SPHKAP: variants seen among roughly 807,000 people sequenced by gnomAD.
SPHKAP encodes the protein SPHK1 interactor, AKAP domain containing, also known as A-kinase anchor protein SPHKAP.
SPHKAP carries 67 observed loss-of-function variants against 137.5 expected under a neutral mutation model. The observed-to-expected ratio is 0.49, with a 90% CI of 0.40 to 0.60. The LOEUF is 0.60. SPHKAP is among the 20% of genes least tolerant of loss of function. The probability of loss-of-function intolerance (pLI) is 0.00; values close to 1 mark genes in which losing one functional copy is unlikely to be tolerated. For synonymous variants in SPHKAP, 813 were observed against 785.3 expected (o/e 1.04, Z -0.59); for missense variants, 2,097 against 2,069.3 (o/e 1.01, Z -0.26).
chr2:228,007,642 AT>A (rs1694192419), intron 7 of SPHKAP, among the ~76,000 whole-genome samples: 1 of 152,152 alleles, frequency 6.6e-6, no homozygotes, highest in Admixed American at 6.5e-5. Flanking sequence ...AAATGACAGA[AT>A]TTCCTGATTT....
At chr2:228,102,848 T>A (rs1698221271) in intron 3 of SPHKAP, among the ~76,000 whole-genome samples, 1 of 152,144 alleles carries the variant, frequency 6.6e-6, no homozygotes, top group Admixed American at 6.5e-5. Context: ...CCTCCAGTGA[T>A]CTCTCACCCC....
intron 3 of SPHKAP, among the ~76,000 whole-genome samples, chr2:228,060,725 A>C (rs1012743480): frequency 6.6e-6 from 1 of 152,208 alleles, no homozygotes; most frequent in Non-Finnish European, 1.5e-5. Flanking sequence ...TGTTGGGTTC[A>C]AATGGTGGTT....
At chr2:228,016,373 T>G (rs1016027342) in intron 7 of SPHKAP, 33 bp downstream of exon 7, 3 of 1,527,688 alleles carry the variant, frequency 2.0e-6, no homozygotes, top group South Asian at 2.7e-5. Flanking sequence ...TCCAGTCACA[T>G]GCACCCTATG....
intron 7 of SPHKAP, among the ~76,000 whole-genome samples, chr2:227,999,631 C>T (rs537413165): frequency 2.0e-5 from 3 of 152,182 alleles, no homozygotes; most frequent in Non-Finnish European, 4.4e-5. Flanking sequence ...AAAAATGAGT[C>T]TGTCAGTGTA....
At chr2:228,073,788 T>C (rs1697082321) in intron 3 of SPHKAP, among the ~76,000 whole-genome samples, 1 of 152,216 alleles carries the variant, frequency 6.6e-6, no homozygotes, top group African/African-American at 2.4e-5. Flanking sequence ...GCACATGGAC[T>C]GAGGGTTTAC....
chr2:228,114,713 C>T (rs535155485), intron 2 of SPHKAP, among the ~76,000 whole-genome samples: 2 of 152,234 alleles, frequency 1.3e-5, no homozygotes, highest in Admixed American at 6.5e-5. Flanking sequence ...TTCTTGGCCT[C>T]TTCACAACAT....
At chr2:228,097,211 G>A (rs1436530574) in intron 3 of SPHKAP, among the ~76,000 whole-genome samples, 1 of 152,108 alleles carries the variant, frequency 6.6e-6, no homozygotes, top group African/African-American at 2.4e-5. Flanking sequence ...CACAGGAATT[G>A]TATAAAATTT....
At chr2:228,108,621 CTTACCTG>C (rs1698414907) in intron 3 of SPHKAP, among the ~76,000 whole-genome samples, 1 of 152,134 alleles carries the variant, frequency 6.6e-6, no homozygotes, top group Admixed American at 6.6e-5. Flanking sequence ...TATTAGATAA[CTTACCTG>C]TTAAAATGAG....
In SPHKAP at chr2:228,025,527, T is replaced by C. The variant is rs1454848577; in HGVS notation, c.308A>G (p.Lys103Arg). Residue 103 changes from lysine to arginine, a missense_variant and splice_region_variant, in exon 5 of 12, where the codon AAA becomes AGA. By Grantham distance (26) the Lys-to-Arg change is conservative. Coordinates refer to ENST00000392056, the MANE Select transcript of SPHKAP (RefSeq NM_001142644.2). ...DECSTEHLQQKLVNVSPDLPK... is the reference protein window; with the variant it reads ...DECSTEHLQQRLVNVSPDLPK... The stretch of plus-strand genomic sequence containing the variant: ...AAGATCTGGTGAAACGTTGACCAGT[T>C]TCTGTAAAGCAAGAATCTTTATTAG... The C allele has an allele frequency of 9.9e-6, 16 of 1,613,522 alleles. No homozygotes were observed. Among genetic ancestry groups the C allele is most frequent in the Non-Finnish European group, 1.4e-5 (16 of 1,179,800 alleles).
At chr2:227,985,653 G>A (rs895374245) in intron 11 of SPHKAP, among the ~76,000 whole-genome samples, 2 of 152,124 alleles carry the variant, frequency 1.3e-5, no homozygotes, top group African/African-American at 4.8e-5. Context: ...GCATTTCTTT[G>A]AGCAAATATT....
chr2:228,054,228 T>C (rs1696359056), intron 3 of SPHKAP, among the ~76,000 whole-genome samples: 1 of 152,102 alleles, frequency 6.6e-6, no homozygotes, highest in Admixed American at 6.5e-5. Flanking sequence ...GAAGGAGTGG[T>C]CAAAAAGTTC....
At chr2:228,079,775 A>G (rs1050285610) in intron 3 of SPHKAP, among the ~76,000 whole-genome samples, 4 of 152,002 alleles carry the variant, frequency 2.6e-5, no homozygotes, top group Non-Finnish European at 5.9e-5. Flanking sequence ...ACACAAACCT[A>G]ATCATCAGGT....
chr2:228,166,340 C>T (rs998989241), intron 1 of SPHKAP, among the ~76,000 whole-genome samples: 11 of 152,114 alleles, frequency 7.2e-5, no homozygotes, highest in African/African-American at 2.4e-4. Flanking sequence ...AAGAGAAATG[C>T]CCAAACATAT....
intron 2 of SPHKAP, among the ~76,000 whole-genome samples, chr2:228,110,821 T>C (rs1457831271): frequency 1.3e-5 from 2 of 152,220 alleles, no homozygotes; most frequent in African/African-American, 4.8e-5. Flanking sequence ...GGGTTTTGTT[T>C]TGTTTTGGAA....
At chr2:228,010,481 G>A (rs1225893309) in intron 7 of SPHKAP, among the ~76,000 whole-genome samples, 4 of 152,144 alleles carry the variant, frequency 2.6e-5, no homozygotes, top group Non-Finnish European at 4.4e-5. Context: ...GCAGTGAGCC[G>A]AGATCGCACC....
chr2:228,155,466 C>A (rs1466472263), intron 1 of SPHKAP, among the ~76,000 whole-genome samples: 3 of 152,138 alleles, frequency 2.0e-5, no homozygotes, highest in Admixed American at 2.0e-4. Flanking sequence ...GTATGTGTTT[C>A]AGGTTTTATA....
intron 3 of SPHKAP, among the ~76,000 whole-genome samples, chr2:228,089,957 T>G (rs1697667305): frequency 6.6e-6 from 1 of 152,086 alleles, no homozygotes; most frequent in Admixed American, 6.5e-5. Context: ...ACTCTACTTG[T>G]GAAGTGCTGA....
intron 1 of SPHKAP, among the ~76,000 whole-genome samples, chr2:228,168,858 G>A (rs1226518710): frequency 6.6e-6 from 1 of 152,064 alleles, no homozygotes; most frequent in African/African-American, 2.4e-5. Flanking sequence ...TGAATGCAAA[G>A]GAAAAAGTGC....
intron 3 of SPHKAP, among the ~76,000 whole-genome samples, chr2:228,095,097 C>T (rs1697937968): frequency 1.3e-5 from 2 of 152,066 alleles, no homozygotes; most frequent in Admixed American, 6.5e-5. Flanking sequence ...ATTGGAAAAA[C>T]GTGTAGATTC....
Sources: allele counts gnomAD v4.1 joint callset (sites outside exome capture counted in the v4.1 genomes callset), GRCh38; gene constraint gnomAD v4.1.1; transcripts MANE v1.5; gene names NCBI Gene and HGNC (gene_info 2026-07-23, HGNC 2026-07-21).